Variants in CCT3 observed in about 807,000 individuals in gnomAD.
The protein encoded by CCT3 is T-complex protein 1 subunit gamma.
Under a neutral mutation model 65.3 loss-of-function variants are expected in CCT3, and 10 were observed. That is an observed-to-expected ratio of 0.15 (90% confidence interval 0.09 to 0.26). The LOEUF is 0.26. CCT3 is among the 10% of genes least tolerant of loss of function. The pLI is 1.00. For synonymous variants in CCT3, 225 were observed against 242.3 expected, an observed-to-expected ratio of 0.93 and a Z score of 0.66; for missense variants, 626 against 708.7, an observed-to-expected ratio of 0.88 and a Z score of 1.33.
intron 6 of CCT3, among the ~76,000 whole-genome samples, chr1:156,321,531 A>G (rs2101647787): frequency 6.6e-6 from 1 of 152,338 alleles, no homozygotes; most frequent in East Asian, 1.9e-4. Flanking sequence ...TGTATTTACC[A>G]TTTTTATATT....
rs1321194038 is a variant in CCT3 at position 156,322,556 on chromosome 1, T to TA, written c.423-1532dup. Among the ~76,000 whole-genome samples, 673 of 145,794 alleles carry TA rather than the reference T, an allele frequency of 4.6e-3. 5 individuals are homozygous for TA. Among genetic ancestry groups the TA allele is most frequent in the African/African-American group, 0.016 (616 of 39,728 alleles). ...TCTAGGTAGGCAGTTATTACTTGATTAAAAAAAAAAAATATTTCAGGCCAG... is the reference window on the plus strand; with the variant it reads ...TCTAGGTAGGCAGTTATTACTTGATTAAAAAAAAAAAAATATTTCAGGCCAG... On this transcript the variant is annotated intron_variant, in intron 6 of 13. Transcript: ENST00000295688.
chr1:156,338,002 G>A (rs1665521656), intron 1 of CCT3, 152 bp downstream of exon 1: 1 of 801,726 alleles, frequency 1.2e-6, no homozygotes, highest in African/African-American at 1.7e-5. Context: ...TAAGAGAAGA[G>A]AGGAAAGCGG....
chr1:156,338,239 T>G lies in CCT3; in HGVS notation c.-55A>C, dbSNP rs1024216107. Reference sequence around the variant, plus strand: ...AGCTGGGGGAACCGGCAGAACCTTCTGGAGAGAGAGAACCAGACAGAAGCC... The same window carrying G: ...AGCTGGGGGAACCGGCAGAACCTTCGGGAGAGAGAGAACCAGACAGAAGCC... On this transcript the variant is annotated 5_prime_UTR_variant, in exon 1 of 14. Coordinates refer to ENST00000295688, the MANE Select transcript of CCT3 (RefSeq NM_005998.5). 1 of 1,543,870 alleles carries G rather than the reference T, an allele frequency of 6.5e-7. No individual in the cohort carries two copies. The highest frequency in any genetic ancestry group is 1.4e-5 in the African/African-American group (1 of 73,524).
intron 5 of CCT3, among the ~76,000 whole-genome samples, chr1:156,327,440 G>A (rs1251782605): frequency 3.3e-5 from 5 of 152,076 alleles, no homozygotes; most frequent in South Asian, 4.1e-4. Flanking sequence ...GCAGGCGCGC[G>A]CCGCCACGCC....
intron 5 of CCT3, among the ~76,000 whole-genome samples, chr1:156,327,276 CT>C (rs1419736271): frequency 6.6e-6 from 1 of 152,122 alleles, no homozygotes; most frequent in Non-Finnish European, 1.5e-5. Flanking sequence ...CGCCTCTCCC[CT>C]CTCCCCTCTC....
At chr1:156,325,875 G>A (rs190830463) in intron 5 of CCT3, among the ~76,000 whole-genome samples, 2 of 151,854 alleles carry the variant, frequency 1.3e-5, no homozygotes, top group East Asian at 1.9e-4. Flanking sequence ...AAGCTACCAC[G>A]CCTGGCCTTC....
At chr1:156,315,596 T>C (rs1162069520) in intron 10 of CCT3, among the ~76,000 whole-genome samples, 1 of 152,218 alleles carries the variant, frequency 6.6e-6, no homozygotes, top group Non-Finnish European at 1.5e-5. Context: ...AAATATGTGA[T>C]AGTTAATTGT....
chr1:156,312,004 T>C (rs755249182), intron 11 of CCT3, 37 bp downstream of exon 11: 1 of 1,539,870 alleles, frequency 6.5e-7, no homozygotes, highest in Non-Finnish European at 8.8e-7. Context: ...AGTTCAGTGA[T>C]CTACTTCATC....
intron 13 of CCT3, among the ~76,000 whole-genome samples, chr1:156,310,283 A>G (rs962496400): frequency 6.6e-6 from 1 of 152,062 alleles, no homozygotes; most frequent in Admixed American, 6.6e-5. Context: ...ATCTGAGGTC[A>G]GGAGTTCGAG....
At chr1:156,329,324 T>TTTG (rs1665004854) in intron 5 of CCT3, among the ~76,000 whole-genome samples, 4 of 125,580 alleles carry the variant, frequency 3.2e-5, no homozygotes, top group Admixed American at 8.5e-5. Context: ...TTTTTTTTTT[T>TTTG]GAGACGGAAT....
intron 6 of CCT3, among the ~76,000 whole-genome samples, chr1:156,323,264 C>A (rs1250254419): frequency 6.7e-6 from 1 of 149,842 alleles, no homozygotes; most frequent in African/African-American, 2.5e-5. Context: ...CGAGATCGCG[C>A]CATTCATTGC....
intron 5 of CCT3, among the ~76,000 whole-genome samples, chr1:156,327,718 G>A (rs1664886410): frequency 6.6e-6 from 1 of 151,732 alleles, no homozygotes; most frequent in Non-Finnish European, 1.5e-5. Context: ...ACCCCGTCTG[G>A]GAAGTGAGGA....
rs1665091784 is a variant in CCT3, at chr1:156,331,437, C to T, written c.304+2110G>A. On this transcript the variant is annotated intron_variant, in intron 5 of 13. Coordinates refer to ENST00000295688, the MANE Select transcript of CCT3 (RefSeq NM_005998.5). ...GTGGCTCACACCTGTAATCCCAGTACTTTGGAAGGCCGAGGTTGTCAGATC... is the reference window on the plus strand; with the variant it reads ...GTGGCTCACACCTGTAATCCCAGTATTTTGGAAGGCCGAGGTTGTCAGATC... Among the ~76,000 whole-genome samples, 2 of 152,154 alleles carry T rather than the reference C, an allele frequency of 1.3e-5. 1 individual carries two copies. The highest frequency in any genetic ancestry group is 4.1e-4 in the South Asian group (2 of 4,832).
Position 156,317,326 on chromosome 1 carries a change from T to C in CCT3, c.893-79A>G, listed in dbSNP as rs146070631. ...CAAAGTACTCTTAACCATGACACTA[T>C]TACGCCCCTGCCAAACATGAGGGGA... On this transcript the variant is annotated intron_variant, in intron 9 of 13. Transcript: ENST00000295688. 4.2e-4 allele frequency: 663 copies of C among 1,594,658 alleles called. 2 individuals are homozygous for C. The East Asian group carries it at 4.5e-3, about 11-fold the overall frequency.
chr1:156,330,376 A>G (rs1035471662), intron 5 of CCT3, among the ~76,000 whole-genome samples: 1 of 152,162 alleles, frequency 6.6e-6, no homozygotes, highest in Non-Finnish European at 1.5e-5. Flanking sequence ...ATGCAGTACA[A>G]TAGGGCCAGG....
intron 10 of CCT3, among the ~76,000 whole-genome samples, chr1:156,315,924 T>C (rs1664292281): frequency 6.6e-6 from 1 of 152,098 alleles, no homozygotes; most frequent in African/African-American, 2.4e-5. Flanking sequence ...TATATAATGG[T>C]AACTTCTAGA....
At chr1:156,328,559 C>T (rs949649499) in intron 5 of CCT3, among the ~76,000 whole-genome samples, 59 of 151,982 alleles carry the variant, frequency 3.9e-4, no homozygotes, top group African/African-American at 1.3e-3. Flanking sequence ...GACCTTACCC[C>T]CAACCCTGTG....
chr1:156,336,879 C>T (rs1418587269), intron 1 of CCT3, among the ~76,000 whole-genome samples: 2 of 151,974 alleles, frequency 1.3e-5, no homozygotes, highest in Admixed American at 6.6e-5. Context: ...ACCTACAATC[C>T]ATCAGAAAGA....
At chr1:156,336,761 T>A (rs146192852) in intron 1 of CCT3, among the ~76,000 whole-genome samples, 5 of 152,272 alleles carry the variant, frequency 3.3e-5, no homozygotes, top group Non-Finnish European at 7.4e-5. Context: ...TACCTTCCTT[T>A]ACAATTTAAG....
Sources: allele counts gnomAD v4.1 joint callset (sites outside exome capture counted in the v4.1 genomes callset), GRCh38; gene constraint gnomAD v4.1.1; transcripts MANE v1.5; gene names NCBI Gene and HGNC (gene_info 2026-07-23, HGNC 2026-07-21).